Variants in ZFHX3 observed in about 807,000 individuals in gnomAD.
ZFHX3 encodes the protein zinc finger homeobox 3.
A neutral mutation model predicts 279.1 loss-of-function variants in ZFHX3; 42 were observed. The ratio of observed to expected loss-of-function variants is 0.15; its 90% CI spans 0.12 to 0.19. The LOEUF (loss-of-function observed/expected upper bound fraction) is 0.19. Ranked by LOEUF, ZFHX3 falls within the 10% of genes least tolerant of loss-of-function variation. The probability of loss-of-function intolerance (pLI) is 1.00; values close to 1 mark genes in which losing one functional copy is unlikely to be tolerated. For missense variants in ZFHX3, 4,981 were observed against 4,754.0 expected, an observed-to-expected ratio of 1.05 and a Z score of -1.40; for synonymous variants, 2,293 against 1,957.8, an observed-to-expected ratio of 1.17 and a Z score of -4.52.
intron 7 of ZFHX3, among the ~76,000 whole-genome samples, chr16:73,096,168 G>T (rs192773970): frequency 2.0e-5 from 3 of 152,072 alleles, no homozygotes; most frequent in Non-Finnish European, 4.4e-5. Context: ...TTTACTGCCT[G>T]CCTGCCTGCC....
intron 2 of ZFHX3, among the ~76,000 whole-genome samples, chr16:73,566,217 TGA>T (rs2020448901): frequency 6.6e-6 from 1 of 152,216 alleles, no homozygotes; most frequent in African/African-American, 2.4e-5. Context: ...TAAGCCAGAC[TGA>T]GAGGCCTCTG....
chr16:73,263,454 G>C (rs963428975), intron 4 of ZFHX3, among the ~76,000 whole-genome samples: 5 of 152,192 alleles, frequency 3.3e-5, no homozygotes, highest in African/African-American at 1.2e-4. Flanking sequence ...CTCCCAGACT[G>C]TTGGGATTAC....
chr16:73,259,576 A>G (rs1335758028), intron 4 of ZFHX3, among the ~76,000 whole-genome samples: 1 of 152,176 alleles, frequency 6.6e-6, no homozygotes, highest in African/African-American at 2.4e-5. Context: ...ACCTTTGTTC[A>G]TTGCTGGCAG....
intron 3 of ZFHX3, among the ~76,000 whole-genome samples, chr16:72,932,123 C>G (rs112152998): frequency 2.2e-3 from 334 of 152,268 alleles, no homozygotes; most frequent in African/African-American, 7.2e-3. Flanking sequence ...GTCCTGTGTA[C>G]TCTATGCCAG....
intron 7 of ZFHX3, among the ~76,000 whole-genome samples, chr16:73,113,866 C>A (rs1966405096): frequency 7.2e-6 from 1 of 138,694 alleles, no homozygotes; most frequent in East Asian, 2.1e-4. Flanking sequence ...GCGATCTCTG[C>A]TTACTGCAAG....
intron 1 of ZFHX3, among the ~76,000 whole-genome samples, chr16:73,008,573 C>T (rs1963798020): frequency 6.6e-6 from 1 of 152,162 alleles, no homozygotes; most frequent in African/African-American, 2.4e-5. Context: ...ACTGAGAGAT[C>T]TGAGTGTAAG....
chr16:73,704,772 C>G (rs935620956), intron 1 of ZFHX3, among the ~76,000 whole-genome samples: 3 of 152,206 alleles, frequency 2.0e-5, no homozygotes, highest in African/African-American at 7.2e-5. Context: ...TGTGATCAAG[C>G]CAGTTACCAC....
intron 1 of ZFHX3, among the ~76,000 whole-genome samples, chr16:72,989,757 A>T (rs1376953250): frequency 1.3e-5 from 2 of 152,262 alleles, no homozygotes; most frequent in Non-Finnish European, 2.9e-5. Flanking sequence ...AATTGCCAAA[A>T]GCTGAGTAAT....
intron 2 of ZFHX3, among the ~76,000 whole-genome samples, chr16:73,576,734 A>G (rs1268121628): frequency 6.6e-6 from 1 of 151,784 alleles, no homozygotes; most frequent in Non-Finnish European, 1.5e-5. Flanking sequence ...AAAACCTTCT[A>G]TTTTAGGTTT....
chr16:72,787,093 T>A lies in ZFHX3; in HGVS notation c.*71A>T. 7.7e-7 allele frequency: 1 copy of A among 1,295,694 alleles called. No homozygotes were observed. The highest frequency in any genetic ancestry group is 1.0e-6 in the Non-Finnish European group (1 of 1,002,298). 80.3% of individuals were successfully genotyped at this position (1,295,694 alleles called of 1,614,324 possible). ...AGAAGCTTTGGAATTGCAGTTAGTC[T>A]ATTTTTGAAATTGGTTTGTTATTAA... On this transcript the variant is annotated 3_prime_UTR_variant, in exon 10 of 10. Coordinates refer to ENST00000268489, the MANE Select transcript of ZFHX3 (RefSeq NM_006885.4).
intron 3 of ZFHX3, among the ~76,000 whole-genome samples, chr16:73,444,016 C>CT (rs1181939978): frequency 6.6e-6 from 1 of 152,220 alleles, no homozygotes; most frequent in Non-Finnish European, 1.5e-5. Flanking sequence ...CCACCTTGGC[C>CT]TCCCAAAGTG....
At chr16:73,731,866 G>C (rs983536721) in intron 1 of ZFHX3, among the ~76,000 whole-genome samples, 7 of 152,146 alleles carry the variant, frequency 4.6e-5, no homozygotes, top group African/African-American at 1.7e-4. Flanking sequence ...CACACGTTTT[G>C]GAAGGATAGA....
At chr16:73,702,210 A>T (rs2053255271) in intron 1 of ZFHX3, among the ~76,000 whole-genome samples, 1 of 152,036 alleles carries the variant, frequency 6.6e-6, no homozygotes, top group Non-Finnish European at 1.5e-5. Flanking sequence ...TTGGGTGGCA[A>T]AAGACTGCCA....
intron 2 of ZFHX3, among the ~76,000 whole-genome samples, chr16:73,637,151 G>A (rs2142152785): frequency 6.6e-6 from 1 of 151,794 alleles, no homozygotes; most frequent in Non-Finnish European, 1.5e-5. Context: ...TAGGAAAGCT[G>A]GGCCAATATT....
intron 1 of ZFHX3, among the ~76,000 whole-genome samples, chr16:72,994,124 T>C (rs1290910694): frequency 6.6e-6 from 1 of 152,234 alleles, no homozygotes; most frequent in Non-Finnish European, 1.5e-5. Context: ...ACAAGGACTT[T>C]GTGCCACACT....
intron 2 of ZFHX3, among the ~76,000 whole-genome samples, chr16:73,636,737 G>A (rs990793591): frequency 2.6e-5 from 4 of 152,112 alleles, no homozygotes; most frequent in Admixed American, 2.6e-4. Context: ...ATGCTTCACA[G>A]TGGAACATAA....
intron 2 of ZFHX3, among the ~76,000 whole-genome samples, chr16:73,556,236 C>G (rs1026761830): frequency 1.3e-5 from 2 of 152,144 alleles, no homozygotes; most frequent in Non-Finnish European, 2.9e-5. Context: ...ATGAGGCACA[C>G]CGAGCCCAGA....
intron 6 of ZFHX3, among the ~76,000 whole-genome samples, chr16:73,136,099 G>C (rs933394597): frequency 6.6e-6 from 1 of 152,010 alleles, no homozygotes; most frequent in African/African-American, 2.4e-5. Flanking sequence ...CTTGTGATCC[G>C]CCCTCCTCGG....
At chr16:72,994,066 CA>C (rs1352288500) in intron 1 of ZFHX3, among the ~76,000 whole-genome samples, 1 of 152,204 alleles carries the variant, frequency 6.6e-6, no homozygotes, top group African/African-American at 2.4e-5. Flanking sequence ...AGTGGGTCTC[CA>C]CCAGAATTCT....
Sources: allele counts gnomAD v4.1 joint callset (sites outside exome capture counted in the v4.1 genomes callset), GRCh38; gene constraint gnomAD v4.1.1; transcripts MANE v1.5; gene names NCBI Gene and HGNC (gene_info 2026-07-23, HGNC 2026-07-21).